PTPN4: variants seen among roughly 807,000 people sequenced by gnomAD.
The protein encoded by PTPN4 is tyrosine-protein phosphatase non-receptor type 4.
In PTPN4, 49 loss-of-function variants were observed where a neutral mutation model predicts 135.5. The observed-to-expected ratio is 0.36, with a 90% CI of 0.29 to 0.46. The LOEUF is 0.46. PTPN4 is among the 20% of genes least tolerant of loss of function. The pLI is 1.00. For synonymous variants in PTPN4, 333 were observed against 369.9 expected, an observed-to-expected ratio of 0.90 and a Z score of 1.14; for missense variants, 860 against 1,101.0, an observed-to-expected ratio of 0.78 and a Z score of 3.10.
intron 22 of PTPN4, among the ~76,000 whole-genome samples, chr2:119,959,893 C>A (rs114627161): frequency 0.021 from 3,162 of 152,086 alleles, 60 homozygotes; most frequent in Non-Finnish European, 0.033. Flanking sequence ...TAAATATTTT[C>A]TTGTATATTT....
intron 2 of PTPN4, among the ~76,000 whole-genome samples, chr2:119,848,349 A>G (rs2104977632): frequency 6.6e-6 from 1 of 151,508 alleles, no homozygotes; most frequent in East Asian, 2.0e-4. Context: ...AATTTTTTGT[A>G]TTTTTAATAG....
chr2:119,861,356 A>G (rs1292558365), intron 2 of PTPN4, among the ~76,000 whole-genome samples: 1 of 152,194 alleles, frequency 6.6e-6, no homozygotes, highest in Non-Finnish European at 1.5e-5. Flanking sequence ...AAATCACCAT[A>G]CCAGGGACCA....
intron 9 of PTPN4, among the ~76,000 whole-genome samples, chr2:119,896,897 C>T (rs905835200): frequency 3.9e-5 from 6 of 151,954 alleles, no homozygotes; most frequent in African/African-American, 1.2e-4. Flanking sequence ...CTTTGGTCAC[C>T]AGTGGGGAGT....
chr2:119,871,667 A>T (rs1677912137), intron 3 of PTPN4, among the ~76,000 whole-genome samples: 1 of 152,176 alleles, frequency 6.6e-6, no homozygotes, highest in Non-Finnish European at 1.5e-5. Context: ...GCCATAATAA[A>T]GGACTTTTAT....
Position 119,940,736 on chromosome 2 carries a change from A to C in PTPN4, c.1356-4345A>C, listed in dbSNP as rs561340056. On this transcript the variant is annotated intron_variant, in intron 15 of 26. Transcript: ENST00000263708. ...TGGCACATTTGTATTAGTGTCTAAC[A>C]AGAATATAGTTTTTGTTTTCTAGTC... Among the ~76,000 whole-genome samples, 3 of 152,326 alleles carry C rather than the reference A, an allele frequency of 2.0e-5. No homozygotes were observed. In the East Asian group the frequency reaches 5.8e-4, roughly 29 times the overall value.
chr2:119,907,556 G>A (rs909435586), intron 10 of PTPN4, among the ~76,000 whole-genome samples: 2 of 152,070 alleles, frequency 1.3e-5, no homozygotes, highest in Non-Finnish European at 1.5e-5. Flanking sequence ...AGTGGGCTAT[G>A]ATCATACCAC....
intron 2 of PTPN4, among the ~76,000 whole-genome samples, chr2:119,857,164 A>G (rs184570231): frequency 9.3e-5 from 14 of 151,306 alleles, no homozygotes; most frequent in Admixed American, 2.0e-4. Context: ...GCTCACTGCA[A>G]CCTCTGCCTC....
chr2:119,914,728 A>G (rs891604924), intron 10 of PTPN4, among the ~76,000 whole-genome samples: 2 of 152,164 alleles, frequency 1.3e-5, no homozygotes, highest in African/African-American at 4.8e-5. Flanking sequence ...TGATTGTACT[A>G]ATAAGGCTTT....
rs70949374 is a variant in PTPN4 at position 119,943,580 on chromosome 2, CT to C, written c.1356-1478del. Among the ~76,000 whole-genome samples the C allele has an allele frequency of 7.4e-4, 59 of 79,918 alleles. 1 individual carries two copies. The highest frequency in any genetic ancestry group is 2.7e-3 in the South Asian group (5 of 1,856). The allele number at this position is 79,918 out of a possible 152,430, so 52.4% of individuals were successfully genotyped here. On this transcript the variant is annotated intron_variant, in intron 15 of 26. Transcript: ENST00000263708. Reference sequence around the variant, plus strand: ...AAATCATAAGCTGTTTCATTTTTTTCTTTTTTTTTTTTTTTTTTTTTTTGAG... The same window carrying C: ...AAATCATAAGCTGTTTCATTTTTTTCTTTTTTTTTTTTTTTTTTTTTTGAG...
intron 1 of PTPN4, among the ~76,000 whole-genome samples, chr2:119,765,617 G>C (rs1272025248): frequency 1.3e-5 from 2 of 152,180 alleles, no homozygotes; most frequent in African/African-American, 2.4e-5. Context: ...GGGAGCAGTG[G>C]TATAAAGGTA....
intron 1 of PTPN4, among the ~76,000 whole-genome samples, chr2:119,765,872 CTCTG>C (rs555278120): frequency 3.4e-4 from 52 of 151,774 alleles, no homozygotes; most frequent in South Asian, 1.5e-3. Flanking sequence ...ATATGTCTGT[CTCTG>C]TCTGGGTGGG....
chr2:119,924,056 G>A lies in PTPN4; in HGVS notation c.1002-2542G>A, dbSNP rs1678778324. Among the ~76,000 whole-genome samples the A allele has an allele frequency of 2.7e-5, 4 of 146,562 alleles. No homozygotes were observed. In the South Asian group the frequency reaches 8.8e-4, roughly 32 times the overall value. Reference sequence around the variant, plus strand: ...GGAGGCTGAGGCAGAAGAATGGCGTGAACCCAGGAGGCAGAGCTTGCAGTG... The same window carrying A: ...GGAGGCTGAGGCAGAAGAATGGCGTAAACCCAGGAGGCAGAGCTTGCAGTG... On this transcript the variant is annotated intron_variant, in intron 12 of 26. Coordinates refer to ENST00000263708, the MANE Select transcript of PTPN4 (RefSeq NM_002830.4).
chr2:119,929,327 A>G (rs945479436), intron 13 of PTPN4, among the ~76,000 whole-genome samples: 1 of 152,074 alleles, frequency 6.6e-6, no homozygotes, highest in African/African-American at 2.4e-5. Context: ...TTATTAAAGT[A>G]CCAGATAACC....
chr2:119,882,604 A>G lies in PTPN4; in HGVS notation c.568A>G (p.Lys190Glu). Residue 190 changes from lysine (K) to glutamate (E), a missense_variant, in exon 8 of 27, where the codon AAA (lysine) becomes GAA (glutamate). This residue lies in a region of PTPN4 where 684 missense variants were observed against 807.0 expected (regional missense o/e 0.85). Transcript: ENST00000263708. Reference protein sequence around the residue: ...QPQDFEKEIAKLHQQHIGLSP... With the variant: ...QPQDFEKEIAELHQQHIGLSP... The stretch of plus-strand genomic sequence containing the variant: ...TCAAGATTTTGAAAAAGAAATTGCA[A>G]AATTACATCAGCAACACATGTAAGA... 2 of 1,546,088 alleles carry G rather than the reference A, an allele frequency of 1.3e-6. No homozygotes were observed. The highest frequency in any genetic ancestry group is 1.8e-6 in the Non-Finnish European group (2 of 1,133,986).
chr2:119,947,365 A>G (rs1047842567), intron 18 of PTPN4, among the ~76,000 whole-genome samples: 2 of 152,176 alleles, frequency 1.3e-5, no homozygotes, highest in African/African-American at 4.8e-5. Flanking sequence ...GAAAATCACA[A>G]TTGAGATTGA....
At chr2:119,792,592 A>C (rs1446891408) in intron 1 of PTPN4, among the ~76,000 whole-genome samples, 1 of 152,254 alleles carries the variant, frequency 6.6e-6, no homozygotes, top group Non-Finnish European at 1.5e-5. Context: ...TTATTAACAT[A>C]ATGAAGAAAA....
chr2:119,968,215 A>G (rs1679473225), intron 26 of PTPN4, among the ~76,000 whole-genome samples: 1 of 152,222 alleles, frequency 6.6e-6, no homozygotes, highest in Admixed American at 6.5e-5. Flanking sequence ...CTGCTTTGAT[A>G]TTATAGCTGC....
chr2:119,806,548 C>A (rs1264866580), intron 1 of PTPN4, among the ~76,000 whole-genome samples: 2 of 152,074 alleles, frequency 1.3e-5, no homozygotes, highest in Non-Finnish European at 2.9e-5. Flanking sequence ...ATATATGCAC[C>A]CAATACAGGA....
chr2:119,813,148 C>T (rs952877661), intron 2 of PTPN4, among the ~76,000 whole-genome samples: 5 of 152,206 alleles, frequency 3.3e-5, no homozygotes, highest in African/African-American at 9.6e-5. Context: ...GGCTTATTCA[C>T]TCACATGGCT....
Sources: gnomAD v4.1 joint callset for allele counts (sites outside exome capture counted in the v4.1 genomes callset) on GRCh38, gnomAD v4.1.1 for gene constraint, gnomAD v4.1.1 regional missense constraint, MANE v1.5 for transcripts, NCBI Gene and HGNC (gene_info 2026-07-23, HGNC 2026-07-21) for gene names.